PCDHA6: variants seen among roughly 807,000 people sequenced by gnomAD.
The protein encoded by PCDHA6 is protocadherin alpha-6.
In PCDHA6, 55 loss-of-function variants were observed where a neutral mutation model predicts 60.3. The ratio of observed to expected loss-of-function variants is 0.91; its 90% CI spans 0.73 to 1.14. The LOEUF is 1.14. PCDHA6 is among the 50% of genes most tolerant of loss of function. The pLI, the probability that PCDHA6 is intolerant of heterozygous loss-of-function variation, is 0.00. For missense variants in PCDHA6, 1,327 were observed against 1,256.5 expected (o/e 1.06, Z -0.85); for synonymous variants, 652 against 557.9 (o/e 1.17, Z -2.38).
intron 1 of PCDHA6, chr5:140,850,245 T>C (rs2150475422): frequency 5.6e-6 from 9 of 1,593,300 alleles, no homozygotes; most frequent in Non-Finnish European, 6.9e-6. Context: ...GGTGCTGCGG[T>C]CGGTGGGCGC....
At chr5:140,946,631 T>TATACAC (rs57893927) in intron 1 of PCDHA6, among the ~76,000 whole-genome samples, 2 of 131,842 alleles carry the variant, frequency 1.5e-5, no homozygotes, top group Non-Finnish European at 3.1e-5. Flanking sequence ...TATATATATA[T>TATACAC]ACAATGGAAT....
At chr5:140,910,067 G>C (rs868941459) in intron 1 of PCDHA6, among the ~76,000 whole-genome samples, 1 of 152,194 alleles carries the variant, frequency 6.6e-6, no homozygotes, top group Non-Finnish European at 1.5e-5. Flanking sequence ...TTTTAACAGC[G>C]TAAATTGTTG....
At chr5:140,934,561 TTTAA>T (rs549996624) in intron 1 of PCDHA6, among the ~76,000 whole-genome samples, 1 of 152,208 alleles carries the variant, frequency 6.6e-6, no homozygotes, top group South Asian at 2.1e-4. Flanking sequence ...TCTTCTTTTT[TTTAA>T]TTAATTGTAA....
At chr5:140,915,690 T>G (rs1330039439) in intron 1 of PCDHA6, among the ~76,000 whole-genome samples, 1 of 151,558 alleles carries the variant, frequency 6.6e-6, no homozygotes, top group African/African-American at 2.4e-5. Context: ...AGGGGTATGG[T>G]GATGCAAGCA....
chr5:140,844,871 C>A (rs1779583904), intron 1 of PCDHA6, among the ~76,000 whole-genome samples: 2 of 149,246 alleles, frequency 1.3e-5, no homozygotes, highest in African/African-American at 4.9e-5. Context: ...ATATTAAATA[C>A]CCATTAGACT....
In PCDHA6 at chr5:140,871,306, A is replaced by T. The variant is rs782244596; in HGVS notation, c.2394+40821A>T. The T allele has an allele frequency of 3.7e-6, 6 of 1,613,964 alleles. No homozygotes were observed. In the East Asian group the frequency reaches 1.3e-4, roughly 36 times the overall value. ...CACTGAGGGCGCGTGCGCGCCGGGG[A>T]AGCCCACGCTGGTGTGCTCCCGCGC... On this transcript the variant is annotated intron_variant, in intron 1 of 3. Transcript: ENST00000529310.
At chr5:141,000,080 G>C (rs1554257118) in intron 3 of PCDHA6, among the ~76,000 whole-genome samples, 1 of 152,068 alleles carries the variant, frequency 6.6e-6, no homozygotes, top group Non-Finnish European at 1.5e-5. Flanking sequence ...ACAATGCTAG[G>C]CCTGTGAATG....
intron 3 of PCDHA6, among the ~76,000 whole-genome samples, chr5:140,992,147 G>A (rs1304729438): frequency 2.0e-5 from 3 of 151,714 alleles, no homozygotes; most frequent in Non-Finnish European, 4.4e-5. Context: ...TGCTAACTTT[G>A]CTCAATCAAG....
rs2150162112 is a variant in PCDHA6, at chr5:140,829,046, C to T, written c.955C>T (p.Leu319Phe). The change falls in exon 1 of 4, where the codon CTC (leucine) becomes TTC (phenylalanine). Residue 319 changes from leucine to phenylalanine, a missense_variant. By Grantham distance (22) the Leu-to-Phe change is conservative. Coordinates refer to ENST00000529310, the MANE Select transcript of PCDHA6 (RefSeq NM_018909.4). ...TGAACAAGAAAACTTATACAAAATC[C>T]TCATTGACGCCACGGACAAAGGCCA... ...DFEQENLYKI[L>F]IDATDKGHPP... 1 of 1,612,900 alleles carries T rather than the reference C, an allele frequency of 6.2e-7. No homozygotes were observed. The highest frequency in any genetic ancestry group is 8.5e-7 in the Non-Finnish European group (1 of 1,178,932).
rs1554149344 is a variant in PCDHA6, at chr5:140,856,961, G to C, written c.2394+26476G>C. 5.0e-6 allele frequency: 8 copies of C among 1,590,776 alleles called. 2 individuals carry two copies. The highest frequency in any genetic ancestry group is 3.4e-5 in the Admixed American group (2 of 59,226). ...AAGGACGGGAGAAATAAAAGTAAATGATGCTATTGACTTTGAGGACAGTAA... is the reference window on the plus strand; with the variant it reads ...AAGGACGGGAGAAATAAAAGTAAATCATGCTATTGACTTTGAGGACAGTAA... On this transcript the variant is annotated intron_variant, in intron 1 of 3. Transcript: ENST00000529310.
At chr5:140,850,475 G>C (rs2150485791) in intron 1 of PCDHA6, 7 of 1,597,894 alleles carry the variant, frequency 4.4e-6, no homozygotes, top group Middle Eastern at 1.7e-4. Flanking sequence ...CAGCGCTGAC[G>C]GCCACGGCCA....
chr5:140,889,547 T>C (rs2062267601), intron 1 of PCDHA6, among the ~76,000 whole-genome samples: 1 of 152,192 alleles, frequency 6.6e-6, no homozygotes, highest in Non-Finnish European at 1.5e-5. Context: ...TCTAATTTAC[T>C]TTTCTTCAGA....
intron 1 of PCDHA6, among the ~76,000 whole-genome samples, chr5:140,922,818 C>T (rs530870255): frequency 6.6e-6 from 1 of 152,208 alleles, no homozygotes; most frequent in Admixed American, 6.5e-5. Flanking sequence ...GGAGATACAG[C>T]ATACTGCTAA....
chr5:140,884,410 G>T, intron 1 of PCDHA6: 1 of 1,614,008 alleles, frequency 6.2e-7, no homozygotes, highest in South Asian at 1.1e-5. Context: ...TGGTGCTCAC[G>T]TTGCTGCTGT....
intron 1 of PCDHA6, chr5:140,835,670 C>T (rs1554135177): frequency 5.6e-6 from 9 of 1,613,734 alleles, no homozygotes; most frequent in African/African-American, 1.3e-5. Context: ...CCGCGCGGGA[C>T]GGGGGCTCGC....
chr5:140,902,197 C>T (rs868992860), intron 1 of PCDHA6, among the ~76,000 whole-genome samples: 1 of 143,684 alleles, frequency 7.0e-6, no homozygotes, highest in African/African-American at 2.6e-5. Context: ...CTCTCTCTCT[C>T]TCTTTCTTTT....
At chr5:140,903,183 T>A (rs1392196705) in intron 1 of PCDHA6, among the ~76,000 whole-genome samples, 3 of 152,194 alleles carry the variant, frequency 2.0e-5, no homozygotes, top group Admixed American at 2.0e-4. Flanking sequence ...CCACCAATAG[T>A]ATAAAAGAGT....
Position 140,830,236 on chromosome 5 carries a change from A to G in PCDHA6, c.2145A>G (p.Leu715=), listed in dbSNP as rs148703931. Residue 715 remains leucine (L), a synonymous_variant, in exon 1 of 4, where the codon CTA becomes CTG. Transcript: ENST00000529310. The part of the protein sequence containing the change: ...CAVSSLLVLT[L]LLYTALRCSA... The stretch of plus-strand genomic sequence containing the variant: ...TATCCAGCCTGCTGGTCCTCACGCT[A>G]CTGCTGTACACAGCGCTGCGGTGCT... 2,313 of 1,613,834 alleles carry G rather than the reference A, an allele frequency of 1.4e-3. 31 individuals are homozygous for G. The African/African-American group carries it at 0.027, about 19-fold the overall frequency.
intron 3 of PCDHA6, among the ~76,000 whole-genome samples, chr5:140,992,691 G>A (rs373170347): frequency 9.3e-4 from 142 of 152,244 alleles, no homozygotes; most frequent in Middle Eastern, 3.4e-3. Context: ...GGGTTGAGGG[G>A]TGGGTAATGT....
Sources: gnomAD v4.1 joint callset for allele counts (sites outside exome capture counted in the v4.1 genomes callset) on GRCh38, gnomAD v4.1.1 for gene constraint, MANE v1.5 for transcripts, NCBI Gene and HGNC (gene_info 2026-07-23, HGNC 2026-07-21) for gene names.